Variants in PDE4D observed in about 807,000 individuals in gnomAD.
PDE4D encodes the protein phosphodiesterase 4D, also known as 3',5'-cyclic-AMP phosphodiesterase 4D.
Under a neutral mutation model 87.4 loss-of-function variants are expected in PDE4D, and 24 were observed. The ratio of observed to expected loss-of-function variants is 0.27; its 90% confidence interval spans 0.20 to 0.39. The LOEUF (loss-of-function observed/expected upper bound fraction) is 0.39, where lower values mean the gene tolerates loss of function less well. PDE4D is among the 10% of genes least tolerant of loss of function. PDE4D has a pLI of 1.00. For missense variants in PDE4D, 714 were observed against 1,041.0 expected (o/e 0.69, Z 4.32); for synonymous variants, 384 against 383.2 (o/e 1.00, Z -0.02).
intron 1 of PDE4D, among the ~76,000 whole-genome samples, chr5:59,546,255 T>A (rs551064287): frequency 6.6e-6 from 1 of 152,272 alleles, no homozygotes; most frequent in South Asian, 2.1e-4. Flanking sequence ...TATCTTTACA[T>A]AAATGCAGCT....
intron 1 of PDE4D, among the ~76,000 whole-genome samples, chr5:60,226,007 GATAT>G (rs1745051429): frequency 6.6e-6 from 1 of 152,026 alleles, no homozygotes; most frequent in African/African-American, 2.4e-5. Flanking sequence ...TAAGTATATG[GATAT>G]GCAGGTTAAA....
intron 6 of PDE4D, among the ~76,000 whole-genome samples, chr5:59,011,152 T>A (rs1017311505): frequency 6.6e-6 from 1 of 152,096 alleles, no homozygotes; most frequent in Non-Finnish European, 1.5e-5. Context: ...GTCACCATCA[T>A]CAAAGACCAA....
At chr5:60,014,165 A>G (rs904200605) in intron 2 of PDE4D, among the ~76,000 whole-genome samples, 4 of 151,742 alleles carry the variant, frequency 2.6e-5, no homozygotes, top group African/African-American at 9.7e-5. Context: ...AGATGATTCC[A>G]CATAGAGGCC....
intron 1 of PDE4D, among the ~76,000 whole-genome samples, chr5:59,464,385 A>C (rs935730475): frequency 6.6e-6 from 1 of 152,264 alleles, no homozygotes; most frequent in Non-Finnish European, 1.5e-5. Context: ...GAGGTGGGAC[A>C]TGCGGGCAGC....
intron 1 of PDE4D, among the ~76,000 whole-genome samples, chr5:60,419,194 C>T (rs1742880940): frequency 6.6e-6 from 1 of 152,016 alleles, no homozygotes; most frequent in African/African-American, 2.4e-5. Flanking sequence ...CAAAGTAGTT[C>T]ATGAAGCATT....
intron 5 of PDE4D, among the ~76,000 whole-genome samples, chr5:59,154,822 G>T (rs1336445840): frequency 6.6e-6 from 1 of 152,136 alleles, no homozygotes; most frequent in Non-Finnish European, 1.5e-5. Flanking sequence ...GGAGGTGGAG[G>T]TTACAGTGAG....
At chr5:59,581,096 C>T (rs771347008) in intron 1 of PDE4D, among the ~76,000 whole-genome samples, 1 of 152,030 alleles carries the variant, frequency 6.6e-6, no homozygotes, top group Non-Finnish European at 1.5e-5. Flanking sequence ...GCAGTTGCAG[C>T]AGTTATGGCT....
chr5:59,860,341 A>G (rs556079363), intron 1 of PDE4D, among the ~76,000 whole-genome samples: 1 of 152,322 alleles, frequency 6.6e-6, no homozygotes, highest in East Asian at 1.9e-4. Context: ...ATTGGATGTA[A>G]TTAAGAGCAC....
chr5:59,933,059 T>C (rs1008453852), intron 3 of PDE4D, among the ~76,000 whole-genome samples: 1 of 152,110 alleles, frequency 6.6e-6, no homozygotes, highest in African/African-American at 2.4e-5. Context: ...TCCTGCACCA[T>C]TGCTTTGAAA....
chr5:59,403,579 A>T (rs1791077072), intron 1 of PDE4D, among the ~76,000 whole-genome samples: 1 of 152,042 alleles, frequency 6.6e-6, no homozygotes, highest in African/African-American at 2.4e-5. Context: ...CTGTGCCTGG[A>T]TAATTTCATT....
At chr5:59,393,742 G>A (rs1417364838) in intron 1 of PDE4D, among the ~76,000 whole-genome samples, 1 of 152,134 alleles carries the variant, frequency 6.6e-6, no homozygotes, top group African/African-American at 2.4e-5. Context: ...GTTATTTTTG[G>A]TTCAGACACC....
At chr5:59,768,250 G>GT in intron 1 of PDE4D, 1 of 1,598,260 alleles carries the variant, frequency 6.3e-7, no homozygotes, top group Non-Finnish European at 8.5e-7. Context: ...ACCTTACCAT[G>GT]TATGTGCCAC....
chr5:60,400,897 G>A (rs1377338509), intron 1 of PDE4D, among the ~76,000 whole-genome samples: 1 of 152,174 alleles, frequency 6.6e-6, no homozygotes, highest in East Asian at 1.9e-4. Flanking sequence ...ATGTGGTATT[G>A]GGGGATACAG....
intron 1 of PDE4D, among the ~76,000 whole-genome samples, chr5:59,691,684 C>T (rs1580452337): frequency 6.7e-6 from 1 of 149,594 alleles, no homozygotes; most frequent in South Asian, 2.1e-4. Flanking sequence ...CGAACCTTCA[C>T]GTTGTGCTCA....
At chr5:60,266,430 C>G (rs1167612850) in intron 1 of PDE4D, among the ~76,000 whole-genome samples, 1 of 152,120 alleles carries the variant, frequency 6.6e-6, no homozygotes, top group Non-Finnish European at 1.5e-5. Context: ...AGATTGGGTT[C>G]CAAATAGATA....
chr5:59,995,824 A>G (rs1763479979), intron 2 of PDE4D, among the ~76,000 whole-genome samples: 1 of 152,182 alleles, frequency 6.6e-6, no homozygotes, highest in African/African-American at 2.4e-5. Flanking sequence ...CAACTTTTGT[A>G]CCCCTAGCAC....
At chr5:59,288,816 A>G (rs182748747) in intron 1 of PDE4D, among the ~76,000 whole-genome samples, 1 of 152,282 alleles carries the variant, frequency 6.6e-6, no homozygotes, top group South Asian at 2.1e-4. Flanking sequence ...AGGGAAAAAA[A>G]CTTTTATCTC....
At chr5:59,313,240 T>G (rs1274568604) in intron 1 of PDE4D, among the ~76,000 whole-genome samples, 1 of 152,172 alleles carries the variant, frequency 6.6e-6, no homozygotes, top group Non-Finnish European at 1.5e-5. Flanking sequence ...CAAATTCTGT[T>G]GGGTAACAGG....
intron 1 of PDE4D, among the ~76,000 whole-genome samples, chr5:60,231,047 T>TTCA (rs2149625473): frequency 6.6e-6 from 1 of 152,150 alleles, no homozygotes; most frequent in African/African-American, 2.4e-5. Flanking sequence ...AAAATGTGTG[T>TTCA]TCACGCATAA....
Sources: allele counts gnomAD v4.1 joint callset (sites outside exome capture counted in the v4.1 genomes callset), GRCh38; gene constraint gnomAD v4.1.1; transcripts MANE v1.5; gene names NCBI Gene and HGNC (gene_info 2026-07-23, HGNC 2026-07-21).